MEF2C: variants seen among roughly 807,000 people sequenced by gnomAD.
The protein encoded by MEF2C is myocyte-specific enhancer factor 2C.
In MEF2C, 6 loss-of-function variants were observed where a neutral mutation model predicts 50.5. The ratio of observed to expected loss-of-function variants is 0.12; its 90% CI spans 0.07 to 0.23. MEF2C has a LOEUF of 0.23. MEF2C is among the 10% of genes least tolerant of loss of function. MEF2C has a pLI of 1.00. For synonymous variants in MEF2C, 183 were observed against 228.0 expected (o/e 0.80, Z 1.78); for missense variants, 276 against 605.0 (o/e 0.46, Z 5.70).
chr5:88,777,011 T>C (rs1367796357), intron 3 of MEF2C, among the ~76,000 whole-genome samples: 2 of 152,226 alleles, frequency 1.3e-5, no homozygotes, highest in Admixed American at 1.3e-4. Flanking sequence ...GTAGTCATGA[T>C]GGCTTCAATA....
At chr5:88,826,026 A>G (rs1228468082) in intron 1 of MEF2C, among the ~76,000 whole-genome samples, 2 of 152,112 alleles carry the variant, frequency 1.3e-5, no homozygotes, top group East Asian at 3.9e-4. Flanking sequence ...CCAAACAAGC[A>G]GCAAAACATC....
Position 88,719,808 on chromosome 5 carries a change from A to G in MEF2C, c.*2796T>C, listed in dbSNP as rs188405174. ...CCCTTCCCTATCTTGCCACCACTTT[A>G]TAAGAATTCAGTAGTGGGAACAAGA... On this transcript the variant is annotated 3_prime_UTR_variant, in exon 11 of 11. Coordinates refer to ENST00000504921, the MANE Select transcript of MEF2C (RefSeq NM_002397.5). The G allele has an allele frequency of 2.0e-5, 3 of 152,350 alleles. No individual in the cohort carries two copies. The East Asian group carries it at 5.8e-4, about 29-fold the overall frequency. 9.4% of individuals were successfully genotyped at this position (152,350 alleles called of 1,614,324 possible). A position where few individuals can be genotyped will look rare whatever the true frequency, so the allele number is the denominator to read the frequency against.
At chr5:88,851,304 T>C (rs1361790523) in intron 1 of MEF2C, among the ~76,000 whole-genome samples, 1 of 152,038 alleles carries the variant, frequency 6.6e-6, no homozygotes, top group Non-Finnish European at 1.5e-5. Flanking sequence ...AATTGACTGT[T>C]TGTGTTATTG....
At chr5:88,730,323 T>C in intron 7 of MEF2C, 89 bp from the exon 8 acceptor site, 1 of 1,360,744 alleles carries the variant, frequency 7.3e-7, no homozygotes, top group Middle Eastern at 1.8e-4. Flanking sequence ...AAAAGCATCT[T>C]CCGATAGACA....
intron 2 of MEF2C, among the ~76,000 whole-genome samples, chr5:88,818,593 T>A (rs554694255): frequency 6.6e-6 from 1 of 152,126 alleles, no homozygotes; most frequent in African/African-American, 2.4e-5. Flanking sequence ...GCATAACATT[T>A]AGGAAACGAC....
At chr5:88,730,273 G>A (rs777503182) in intron 7 of MEF2C, 39 bp from the exon 8 acceptor site, 50 of 1,556,604 alleles carry the variant, frequency 3.2e-5, no homozygotes, top group South Asian at 1.7e-4. Flanking sequence ...ATTAGTGTCC[G>A]TAAATATTTA....
chr5:88,875,760 T>C (rs1178211671), intron 1 of MEF2C, among the ~76,000 whole-genome samples: 3 of 152,024 alleles, frequency 2.0e-5, no homozygotes, highest in Non-Finnish European at 4.4e-5. Flanking sequence ...GAAGGCCCTC[T>C]GTTCCTTACC....
intron 1 of MEF2C, among the ~76,000 whole-genome samples, chr5:88,876,063 G>GTTT (rs33921751): frequency 5.7e-5 from 7 of 122,608 alleles, no homozygotes; most frequent in Non-Finnish European, 8.6e-5. Context: ...AGTAACTGGA[G>GTTT]TTTTTTTTTT....
intron 1 of MEF2C, among the ~76,000 whole-genome samples, chr5:88,832,316 C>A (rs1190642981): frequency 6.6e-6 from 1 of 151,986 alleles, no homozygotes; most frequent in African/African-American, 2.4e-5. Flanking sequence ...AATAGAAATT[C>A]TCTGCATTTA....
At chr5:88,750,549 T>C (rs903860955) in intron 5 of MEF2C, among the ~76,000 whole-genome samples, 5 of 152,104 alleles carry the variant, frequency 3.3e-5, no homozygotes, top group African/African-American at 1.2e-4. Context: ...TCCAATCAGA[T>C]AATATTTTGG....
chr5:88,902,809 A>T lies in MEF2C; in HGVS notation c.-240+1107T>A, dbSNP rs1325233599. ...CTACCCCCCACAGCCCAGAAAATTG[A>T]TTTTATCCATAATAATTTATAGCAT... On this transcript the variant is annotated intron_variant, in intron 1 of 11. Transcript: ENST00000340208. Among the ~76,000 whole-genome samples the T allele has an allele frequency of 2.0e-5, 3 of 151,232 alleles. No homozygotes were observed. The South Asian group carries it at 6.2e-4, about 31-fold the overall frequency.
chr5:88,826,246 G>A (rs1810804408), intron 1 of MEF2C, among the ~76,000 whole-genome samples: 1 of 151,970 alleles, frequency 6.6e-6, no homozygotes, highest in Non-Finnish European at 1.5e-5. Context: ...ATATATAAGT[G>A]GTTGATAAAA....
At chr5:88,805,943 G>C (rs995024149) in intron 2 of MEF2C, among the ~76,000 whole-genome samples, 1 of 141,754 alleles carries the variant, frequency 7.1e-6, no homozygotes, top group Non-Finnish European at 1.5e-5. Flanking sequence ...ATTCTGTAGA[G>C]TACTGTTCCT....
At position 88,719,807 on chromosome 5, in the gene MEF2C, T is replaced by C. The variant is rs1755679190; in HGVS notation, c.*2797A>G. The C allele has an allele frequency of 6.6e-6, 1 of 152,226 alleles. No individual in the cohort carries two copies. The highest frequency in any genetic ancestry group is 2.1e-4 in the South Asian group (1 of 4,834). 9.4% of individuals were successfully genotyped at this position (152,226 alleles called of 1,614,324 possible). On this transcript the variant is annotated 3_prime_UTR_variant, in exon 11 of 11. Coordinates refer to ENST00000504921, the MANE Select transcript of MEF2C (RefSeq NM_002397.5). ...TCCCTTCCCTATCTTGCCACCACTT[T>C]ATAAGAATTCAGTAGTGGGAACAAG...
At chr5:88,739,754 G>A in intron 6 of MEF2C, 1 of 984,558 alleles carries the variant, frequency 1.0e-6, no homozygotes, top group African/African-American at 1.7e-5. Context: ...GAGAAAAAAA[G>A]ATATTTTACA....
chr5:88,838,451 G>A (rs933268016), intron 1 of MEF2C: 4 of 490,550 alleles, frequency 8.2e-6, no homozygotes, highest in East Asian at 1.5e-4. Context: ...GTATAAATCA[G>A]TATATATTCT....
chr5:88,806,809 T>C (rs1800635402), intron 2 of MEF2C, among the ~76,000 whole-genome samples: 1 of 150,714 alleles, frequency 6.6e-6, no homozygotes, highest in South Asian at 2.1e-4. Context: ...TATATTTTCC[T>C]GTGTGATCTG....
In MEF2C at chr5:88,746,729, G is replaced by A. The variant is rs144651553; in HGVS notation, c.637+2341C>T. 20 of 981,720 alleles carry A rather than the reference G, an allele frequency of 2.0e-5. No individual in the cohort carries two copies. The African/African-American group carries it at 3.5e-4, about 17-fold the overall frequency. 60.8% of individuals were successfully genotyped at this position (981,720 alleles called of 1,614,324 possible). A position where few individuals can be genotyped will look rare whatever the true frequency, so the allele number is the denominator to read the frequency against. On this transcript the variant is annotated intron_variant, in intron 6 of 10. Transcript: ENST00000504921. ...TATATTCAGCCTGACATATGATACT[G>A]GTTGGCATGAGAAAGAAGGGGAAGA...
intron 2 of MEF2C, among the ~76,000 whole-genome samples, chr5:88,819,819 C>T (rs1283648379): frequency 1.3e-5 from 2 of 151,980 alleles, no homozygotes; most frequent in Admixed American, 6.6e-5. Context: ...CTGCATACGG[C>T]TTTCAGACTA....
Sources: allele counts gnomAD v4.1 joint callset (sites outside exome capture counted in the v4.1 genomes callset), GRCh38; gene constraint gnomAD v4.1.1; transcripts MANE v1.5; gene names NCBI Gene and HGNC (gene_info 2026-07-23, HGNC 2026-07-21).